The following DENND1A variants were observed in gnomAD, a reference collection of about 807,000 sequenced individuals.
The protein encoded by DENND1A is DENN domain-containing protein 1A.
A neutral mutation model predicts 113.7 loss-of-function variants in DENND1A; 51 were observed. The observed-to-expected ratio is 0.45, with a 90% confidence interval of 0.36 to 0.57. The LOEUF (loss-of-function observed/expected upper bound fraction) is 0.57, where lower values mean the gene tolerates loss of function less well. DENND1A is among the 20% of genes least tolerant of loss of function. The pLI, the probability that DENND1A is intolerant of heterozygous loss-of-function variation, is 0.00. For missense variants in DENND1A, 1,258 were observed against 1,395.9 expected, an observed-to-expected ratio of 0.90 and a Z score of 1.57; for synonymous variants, 565 against 570.8, an observed-to-expected ratio of 0.99 and a Z score of 0.14.
In DENND1A at chr9:123,382,238, G is replaced by A. The variant is rs752049322; in HGVS notation, c.2407C>T (p.Arg803Trp). 3.6e-5 allele frequency: 58 copies of A among 1,609,338 alleles called. No individual in the cohort carries two copies. Among genetic ancestry groups the A allele is most frequent in the South Asian group, 1.5e-4 (14 of 90,894 alleles). ...GGACTCAGGGCAGCTCGCCTGTCCC[G>A]ATCCGTCTGCAGCCGCTCTGAGACG... ...GDVSERLQTD[R>W]DRRAALSPGL... Residue 803 changes from arginine to tryptophan, a missense_variant, in exon 24 of 24, where the codon CGG becomes TGG. Arg to Trp is a moderately radical substitution (Grantham distance 101). This residue lies in a region of DENND1A where 1,159 missense variants were observed against 1,231.7 expected (regional missense o/e 0.94). Coordinates refer to ENST00000394215, the MANE Select transcript of DENND1A (RefSeq NM_001352964.2).
chr9:123,455,541 C>T lies in DENND1A; in HGVS notation c.1187-762G>A, dbSNP rs563024553. Among the ~76,000 whole-genome samples the T allele has an allele frequency of 2.6e-5, 4 of 152,316 alleles. No individual in the cohort carries two copies. The South Asian group carries it at 8.3e-4, about 32-fold the overall frequency. Reference sequence around the variant, plus strand: ...GCTCAGATGTGATGTCCTCTGGAGGCTTCTCCTTCCTCTGAACAGCCCTCG... The same window carrying T: ...GCTCAGATGTGATGTCCTCTGGAGGTTTCTCCTTCCTCTGAACAGCCCTCG... On this transcript the variant is annotated intron_variant, in intron 15 of 23. Transcript: ENST00000394215.
chr9:123,655,722 G>A (rs146045686), intron 8 of DENND1A, among the ~76,000 whole-genome samples: 2 of 152,294 alleles, frequency 1.3e-5, no homozygotes, highest in African/African-American at 4.8e-5. Flanking sequence ...AGGATAGAAG[G>A]GAGGACTTCC....
chr9:123,728,120 A>G (rs1336728845), intron 5 of DENND1A, among the ~76,000 whole-genome samples: 1 of 150,360 alleles, frequency 6.7e-6, no homozygotes, highest in Non-Finnish European at 1.5e-5. Context: ...AAAAAAAAAG[A>G]ATCCCTAAGT....
At chr9:123,676,600 C>T in intron 6 of DENND1A, 120 bp downstream of exon 6, 1 of 865,084 alleles carries the variant, frequency 1.2e-6, no homozygotes, top group Middle Eastern at 3.3e-4. Context: ...TCTGAATTTC[C>T]CAAAATTCCT....
intron 5 of DENND1A, among the ~76,000 whole-genome samples, chr9:123,712,131 C>T (rs2066676929): frequency 6.6e-6 from 1 of 152,194 alleles, no homozygotes; most frequent in Non-Finnish European, 1.5e-5. Flanking sequence ...ATAAAATCTA[C>T]AACATCAACT....
chr9:123,745,237 A>C (rs2069391545), intron 5 of DENND1A, among the ~76,000 whole-genome samples: 1 of 152,194 alleles, frequency 6.6e-6, no homozygotes, highest in Non-Finnish European at 1.5e-5. Flanking sequence ...GCCACCGTGT[A>C]ACTCATTTTA....
At chr9:123,711,930 T>C (rs2066662034) in intron 5 of DENND1A, among the ~76,000 whole-genome samples, 1 of 152,212 alleles carries the variant, frequency 6.6e-6, no homozygotes, top group Non-Finnish European at 1.5e-5. Context: ...CTTATCCAGC[T>C]CAGTTCTATG....
chr9:123,769,705 G>A lies in DENND1A; in HGVS notation c.133-142C>T, dbSNP rs868693757. On this transcript the variant is annotated intron_variant, in intron 3 of 23. Coordinates refer to ENST00000394215, the MANE Select transcript of DENND1A (RefSeq NM_001352964.2). ...ATGGGCTTTATCAATTACATGGGAG[G>A]AGTACCAGGCAGTCAATCATGAGAA... is the stretch of plus-strand genomic sequence containing the variant. 10 of 566,132 alleles carry A rather than the reference G, an allele frequency of 1.8e-5. 1 individual carries two copies. In the Middle Eastern group the frequency reaches 2.9e-3, roughly 163 times the overall value. The allele number at this position is 566,132 out of a possible 1,614,324, so 35.1% of individuals were successfully genotyped here.
chr9:123,384,015 G>A (rs753398408), intron 22 of DENND1A, 102 bp from the exon 23 acceptor site: 3 of 1,460,338 alleles, frequency 2.1e-6, no homozygotes, highest in Non-Finnish European at 2.8e-6. Context: ...GGTGCACGCA[G>A]GGGCCTGCGG....
At chr9:123,599,226 G>A (rs2059837175) in intron 11 of DENND1A, among the ~76,000 whole-genome samples, 1 of 152,196 alleles carries the variant, frequency 6.6e-6, no homozygotes, top group African/African-American at 2.4e-5. Flanking sequence ...TCTCTTAAGT[G>A]TCCAACTTTA....
chr9:123,425,113 G>A (rs536606017), intron 19 of DENND1A, among the ~76,000 whole-genome samples: 6 of 152,306 alleles, frequency 3.9e-5, no homozygotes, highest in South Asian at 2.1e-4. Flanking sequence ...AGGTGATCTC[G>A]CATGTGGTAT....
At chr9:123,495,280 C>T (rs539331529) in intron 13 of DENND1A, among the ~76,000 whole-genome samples, 28 of 152,208 alleles carry the variant, frequency 1.8e-4, no homozygotes, top group African/African-American at 6.5e-4. Context: ...GGGAGCCAAA[C>T]GAATGTGTTG....
At chr9:123,808,356 T>C (rs1044462613) in intron 2 of DENND1A, among the ~76,000 whole-genome samples, 2 of 151,812 alleles carry the variant, frequency 1.3e-5, no homozygotes, top group Admixed American at 1.3e-4. Context: ...TCTGTTTCAG[T>C]AAGTCTAAAA....
intron 2 of DENND1A, among the ~76,000 whole-genome samples, chr9:123,809,953 C>T (rs1323571501): frequency 5.3e-5 from 8 of 152,150 alleles, no homozygotes; most frequent in Non-Finnish European, 1.2e-4. Context: ...GGGATTTAGG[C>T]AGGAGCCACC....
intron 2 of DENND1A, among the ~76,000 whole-genome samples, chr9:123,854,155 T>C (rs1843793071): frequency 6.6e-6 from 1 of 152,230 alleles, no homozygotes; most frequent in Non-Finnish European, 1.5e-5. Flanking sequence ...TAACTCATTT[T>C]GAGCAAGATC....
Position 123,383,810 on chromosome 9 carries a change from G to C in DENND1A, c.1864C>G (p.Pro622Ala), listed in dbSNP as rs1223049335. The C allele has an allele frequency of 1.2e-6, 2 of 1,613,950 alleles. No individual in the cohort carries two copies. Among genetic ancestry groups the C allele is most frequent in the Non-Finnish European group, 1.7e-6 (2 of 1,180,050 alleles). The change falls in exon 23 of 24, where the codon CCC (proline) becomes GCC (alanine). Residue 622 changes from proline to alanine, a missense_variant. By Grantham distance (27) the Pro-to-Ala change is conservative (BLOSUM62 -1). Coordinates refer to ENST00000394215, the MANE Select transcript of DENND1A (RefSeq NM_001352964.2). ...TCGATGCTGGCAGCCCGGTCAGGGG[G>C]AGCTGGGACAGGGCCTGTGGACTTC... is the stretch of plus-strand genomic sequence containing the variant. ...VRKSTGPVPA[P>A]PDRAASIDLL...
In DENND1A at chr9:123,806,571, A is replaced by G. The variant is rs537894681; in HGVS notation, c.89-13941T>C. On this transcript the variant is annotated intron_variant, in intron 2 of 23. Transcript: ENST00000394215. ...CGTGCCCAGCCCTGACATACTGTTA[A>G]TAGAGTGAAAAAATAACATGTTCAG... Among the ~76,000 whole-genome samples the G allele has an allele frequency of 1.2e-4, 19 of 152,276 alleles. No individual in the cohort carries two copies. The South Asian group carries it at 3.9e-3, about 32-fold the overall frequency.
At position 123,576,014 on chromosome 9, in the gene DENND1A, T is replaced by C. The variant is rs2058617017; in HGVS notation, c.867+7155A>G. On this transcript the variant is annotated intron_variant, in intron 12 of 23. Transcript: ENST00000394215. ...ATCATCTTGCTAACTTTTCTATTTGTTCCATCTGTTGTCATGTTTACTCTT... is the reference window on the plus strand; with the variant it reads ...ATCATCTTGCTAACTTTTCTATTTGCTCCATCTGTTGTCATGTTTACTCTT... Among the ~76,000 whole-genome samples the C allele has an allele frequency of 2.6e-5, 4 of 152,320 alleles. No homozygotes were observed. In the South Asian group the frequency reaches 8.3e-4, roughly 32 times the overall value.
chr9:123,692,575 C>A (rs1359948759), intron 5 of DENND1A, among the ~76,000 whole-genome samples: 1 of 152,198 alleles, frequency 6.6e-6, no homozygotes, highest in Non-Finnish European at 1.5e-5. Flanking sequence ...ATTCCCTGTG[C>A]TTTCCTGACT....
Sources: allele counts gnomAD v4.1 joint callset (sites outside exome capture counted in the v4.1 genomes callset), GRCh38; gene constraint gnomAD v4.1.1; regional missense constraint gnomAD v4.1.1; transcripts MANE v1.5; gene names NCBI Gene and HGNC (gene_info 2026-07-23, HGNC 2026-07-21).